The following ZBBX variants were observed in gnomAD, a reference collection of about 807,000 sequenced individuals.
The protein encoded by ZBBX is zinc finger B-box domain-containing protein 1.
Under a neutral mutation model 108.5 loss-of-function variants are expected in ZBBX, and 101 were observed. That is an observed-to-expected ratio of 0.93 (90% confidence interval 0.79 to 1.10). The LOEUF is 1.10. Among genes scored for constraint, ZBBX ranks in the 50% least tolerant of loss-of-function variants. The probability of loss-of-function intolerance (pLI) is 0.00; values close to 1 mark genes in which losing one functional copy is unlikely to be tolerated. For missense variants in ZBBX, 1,009 were observed against 941.4 expected, an observed-to-expected ratio of 1.07 and a Z score of -0.94; for synonymous variants, 356 against 323.4, an observed-to-expected ratio of 1.10 and a Z score of -1.08.
intron 20 of ZBBX, among the ~76,000 whole-genome samples, chr3:167,245,825 T>C (rs891560644): frequency 5.3e-5 from 8 of 152,198 alleles, no homozygotes; most frequent in African/African-American, 1.9e-4. Flanking sequence ...ACTTCTTTTT[T>C]TTTTATAAGT....
intron 1 of ZBBX, among the ~76,000 whole-genome samples, chr3:167,385,598 AACACATCGT>A (rs1425428069): frequency 6.6e-6 from 1 of 152,010 alleles, no homozygotes; most frequent in Non-Finnish European, 1.5e-5. Context: ...ACTCAAAACA[AACACATCGT>A]ACAGATGTAC....
chr3:167,276,409 G>C (rs1433694194), intron 20 of ZBBX, among the ~76,000 whole-genome samples: 1 of 152,334 alleles, frequency 6.6e-6, no homozygotes, highest in South Asian at 2.1e-4. Flanking sequence ...AGCTGATGGA[G>C]CTGAAAACCA....
In ZBBX at chr3:167,306,004, T is replaced by C. The variant is rs1051097304; in HGVS notation, c.1418-54A>G. The C allele has an allele frequency of 3.0e-6, 4 of 1,350,138 alleles. No individual in the cohort carries two copies. The Admixed American group carries it at 1.3e-4, about 43-fold the overall frequency. 83.6% of individuals were successfully genotyped at this position (1,350,138 alleles called of 1,614,324 possible). A position where few individuals can be genotyped will look rare whatever the true frequency, so the allele number is the denominator to read the frequency against. On this transcript the variant is annotated intron_variant, in intron 16 of 21. Transcript: ENST00000675490. Reference sequence around the variant, plus strand: ...ACATAAATAAATTTAAACAAATAATTAAACTGTTAATAAACCAAAAGTTCT... The same window carrying C: ...ACATAAATAAATTTAAACAAATAATCAAACTGTTAATAAACCAAAAGTTCT...
intron 1 of ZBBX, among the ~76,000 whole-genome samples, chr3:167,401,091 C>G (rs191010305): frequency 3.3e-5 from 5 of 152,014 alleles, no homozygotes; most frequent in Non-Finnish European, 7.4e-5. Context: ...GGTCCTTGGA[C>G]TCAAATATTG....
chr3:167,213,130 G>A, the ZBBX span, among the ~76,000 whole-genome samples: 1 of 152,190 alleles, frequency 6.6e-6, no homozygotes, highest in African/African-American at 2.4e-5. Flanking sequence ...CAAATGGCCA[G>A]AGTGTCATAT....
intron 9 of ZBBX, among the ~76,000 whole-genome samples, chr3:167,337,481 T>C (rs1323755514): frequency 1.3e-5 from 2 of 151,714 alleles, no homozygotes; most frequent in African/African-American, 4.8e-5. Flanking sequence ...ATTGTGCCAC[T>C]GCACTCCATC....
Position 167,350,403 on chromosome 3 carries a change from A to G in ZBBX, c.528+17T>C. ...TTTATAAACACACTACAAGTAAATC[A>G]TTTTAGAAAGCCATACCTGCAAAAG... is the stretch of plus-strand genomic sequence containing the variant. On this transcript the variant is annotated intron_variant, in intron 9 of 21. Coordinates refer to ENST00000675490, the MANE Select transcript of ZBBX (RefSeq NM_001199201.2). 1 of 1,562,532 alleles carries G rather than the reference A, an allele frequency of 6.4e-7. No individual in the cohort carries two copies. Among genetic ancestry groups the G allele is most frequent in the Non-Finnish European group, 8.7e-7 (1 of 1,150,464 alleles).
chr3:167,348,209 G>A (rs1260004568), intron 9 of ZBBX, among the ~76,000 whole-genome samples: 6 of 64,286 alleles, frequency 9.3e-5, no homozygotes, highest in African/African-American at 4.3e-4. Context: ...AAGGAAGGAA[G>A]GAAGGAAGCA....
At chr3:167,277,745 A>C (rs915971065) in intron 20 of ZBBX, among the ~76,000 whole-genome samples, 2 of 152,142 alleles carry the variant, frequency 1.3e-5, no homozygotes, top group Admixed American at 6.5e-5. Context: ...TGCACCAAGC[A>C]GACCTAATAG....
At chr3:167,236,914 G>T (rs931551376), downstream of ZBBX, among the ~76,000 whole-genome samples, 1 of 151,772 alleles carries the variant, frequency 6.6e-6, no homozygotes, top group African/African-American at 2.4e-5. Flanking sequence ...AGGGGCAAAA[G>T]GAATTAATTT....
At chr3:167,274,042 C>G (rs998439444) in intron 20 of ZBBX, among the ~76,000 whole-genome samples, 1 of 152,160 alleles carries the variant, frequency 6.6e-6, no homozygotes, top group African/African-American at 2.4e-5. Context: ...CTTGGGAAAA[C>G]AGAATGGCCC....
At chr3:167,322,328 G>A in intron 11 of ZBBX, 91 bp from the exon 12 acceptor site, 2 of 1,101,472 alleles carry the variant, frequency 1.8e-6, no homozygotes, top group Non-Finnish European at 2.4e-6. Flanking sequence ...ATCATTTTTG[G>A]GGCATATATG....
intron 9 of ZBBX, among the ~76,000 whole-genome samples, chr3:167,342,492 A>C (rs574229900): frequency 7.0e-4 from 106 of 151,860 alleles, no homozygotes; most frequent in African/African-American, 2.4e-3. Context: ...CCATTCCAAA[A>C]TATGTGTAAC....
At chr3:167,275,379 C>T (rs979211373) in intron 20 of ZBBX, among the ~76,000 whole-genome samples, 7 of 152,178 alleles carry the variant, frequency 4.6e-5, no homozygotes, top group African/African-American at 2.4e-5. Flanking sequence ...GGGTTCATCT[C>T]ACTAGGGAGT....
intron 20 of ZBBX, among the ~76,000 whole-genome samples, chr3:167,269,671 A>G (rs1576829921): frequency 6.6e-6 from 1 of 152,198 alleles, no homozygotes; most frequent in Non-Finnish European, 1.5e-5. Flanking sequence ...GGGCTTCTTG[A>G]GCCTTGTATG....
the ZBBX span, among the ~76,000 whole-genome samples, chr3:167,187,637 C>T: frequency 6.6e-6 from 1 of 152,166 alleles, no homozygotes; most frequent in Non-Finnish European, 1.5e-5. Context: ...GGAACATTAG[C>T]TGTAAGTCAT....
chr3:167,260,887 G>C (rs1179735739), intron 20 of ZBBX, among the ~76,000 whole-genome samples: 2 of 152,158 alleles, frequency 1.3e-5, no homozygotes, highest in South Asian at 2.1e-4. Context: ...GTGTTTTCTG[G>C]GGGGTGTTGA....
the ZBBX span, among the ~76,000 whole-genome samples, chr3:167,219,697 T>G: frequency 6.6e-6 from 1 of 151,772 alleles, no homozygotes; most frequent in East Asian, 1.9e-4. Flanking sequence ...TGATGCAACT[T>G]GAAGAACTAG....
chr3:167,304,567 G>T (rs1733288927), intron 17 of ZBBX, among the ~76,000 whole-genome samples: 1 of 152,036 alleles, frequency 6.6e-6, no homozygotes, highest in African/African-American at 2.4e-5. Context: ...ATATTAATAG[G>T]CACGGATTAA....
Sources: gnomAD v4.1 joint callset for allele counts (sites outside exome capture counted in the v4.1 genomes callset) on GRCh38, gnomAD v4.1.1 for gene constraint, MANE v1.5 for transcripts, NCBI Gene and HGNC (gene_info 2026-07-23, HGNC 2026-07-21) for gene names.